The following YWHAB variants were observed in gnomAD, a reference collection of about 807,000 sequenced individuals.
YWHAB encodes 14-3-3 protein beta/alpha.
YWHAB carries 2 observed loss-of-function variants against 28.5 expected under a neutral mutation model. The observed-to-expected ratio is 0.07, with a 90% CI of 0.03 to 0.22. The LOEUF is 0.22. Ranked by LOEUF, YWHAB falls within the 10% of genes least tolerant of loss-of-function variation. YWHAB has a pLI of 1.00. For synonymous variants in YWHAB, 103 were observed against 104.7 expected, an observed-to-expected ratio of 0.98 and a Z score of 0.10; for missense variants, 148 against 297.1, an observed-to-expected ratio of 0.50 and a Z score of 3.69.
At chr20:44,902,454 A>G (rs2066632968) in intron 2 of YWHAB, 1 of 152,144 alleles carries the variant, frequency 6.6e-6, no homozygotes, top group Non-Finnish European at 1.5e-5. Flanking sequence ...TCATAATCAT[A>G]TTGTCTTTCC....
At chr20:44,889,404 A>G (rs1206802708) in intron 1 of YWHAB, among the ~76,000 whole-genome samples, 7 of 152,190 alleles carry the variant, frequency 4.6e-5, no homozygotes, top group Admixed American at 3.3e-4. Flanking sequence ...GATACTTGTA[A>G]TGAGATGTAA....
intron 1 of YWHAB, chr20:44,887,345 T>TC (rs1383559300): frequency 6.6e-6 from 1 of 152,222 alleles, no homozygotes; most frequent in East Asian, 1.9e-4. Context: ...TCCTGGCCTG[T>TC]CCTTCCAATG....
intron 1 of YWHAB, among the ~76,000 whole-genome samples, chr20:44,894,433 T>TA (rs960248584): frequency 6.6e-6 from 1 of 152,196 alleles, no homozygotes; most frequent in Non-Finnish European, 1.5e-5. Flanking sequence ...AGGTCTTGAT[T>TA]AAAAACCATC....
Position 44,901,607 on chromosome 20 carries a change from C to T in YWHAB, c.74C>T (p.Ala25Val), listed in dbSNP as rs778607409. Residue 25 changes from alanine (A) to valine (V), a missense_variant, in exon 2 of 6, where the codon GCT becomes GTT. Ala to Val is a moderately conservative substitution (Grantham distance 64). Coordinates refer to ENST00000353703, the MANE Select transcript of YWHAB (RefSeq NM_139323.4). ...CAGGCTGAGCGATATGATGATATGG[C>T]TGCAGCCATGAAGGCAGTCACAGAA... ...AEQAERYDDM[A>V]AAMKAVTEQG... The T allele has an allele frequency of 6.2e-7, 1 of 1,614,076 alleles. No individual in the cohort carries two copies. The highest frequency in any genetic ancestry group is 8.5e-7 in the Non-Finnish European group (1 of 1,179,972).
chr20:44,887,196 TTTTTCTTGGATCCCTGTCC>T (rs2066533724), intron 1 of YWHAB: 1 of 152,236 alleles, frequency 6.6e-6, no homozygotes, highest in East Asian at 1.9e-4. Flanking sequence ...TGAGCCCTCA[TTTTTCTTGGATCCCTGTCC>T]TTGGCAACAC....
intron 1 of YWHAB, among the ~76,000 whole-genome samples, chr20:44,894,832 T>C (rs1398975006): frequency 1.3e-5 from 2 of 152,222 alleles, no homozygotes; most frequent in Non-Finnish European, 2.9e-5. Context: ...TAGTGGCACA[T>C]TGCGCTGTGA....
chr20:44,895,050 G>C (rs886132110), intron 1 of YWHAB, among the ~76,000 whole-genome samples: 1 of 152,234 alleles, frequency 6.6e-6, no homozygotes, highest in Non-Finnish European at 1.5e-5. Context: ...GTACTCATCT[G>C]TATCACAGAA....
intron 1 of YWHAB, among the ~76,000 whole-genome samples, chr20:44,897,762 T>A (rs2066604398): frequency 6.6e-6 from 1 of 152,250 alleles, no homozygotes; most frequent in South Asian, 2.1e-4. Flanking sequence ...ACTTTTAAGA[T>A]GGTAGAGTAT....
At chr20:44,888,413 T>A (rs2066540742) in intron 1 of YWHAB, among the ~76,000 whole-genome samples, 1 of 152,174 alleles carries the variant, frequency 6.6e-6, no homozygotes, top group Admixed American at 6.5e-5. Context: ...ATTTTACAGA[T>A]GGGGAAACTA....
At position 44,903,890 on chromosome 20, in the gene YWHAB, T is replaced by G. The variant is rs2066641204; in HGVS notation, c.301-103T>G. The G allele has an allele frequency of 8.0e-6, 11 of 1,380,660 alleles. No homozygotes were observed. In the South Asian group the frequency reaches 9.4e-5, roughly 12 times the overall value. 85.5% of individuals were successfully genotyped at this position (1,380,660 alleles called of 1,614,324 possible). ...ATGAAAAATTGGTGTTTTTTTAATC[T>G]TCCAAAAAATTATTTAGAAGCAGTA... On this transcript the variant is annotated intron_variant, in intron 2 of 5. Transcript: ENST00000353703.
chr20:44,897,368 G>A (rs1289301841), intron 1 of YWHAB, among the ~76,000 whole-genome samples: 1 of 152,162 alleles, frequency 6.6e-6, no homozygotes, highest in Non-Finnish European at 1.5e-5. Flanking sequence ...CATAGGTACT[G>A]TTCTATGAAC....
chr20:44,900,128 A>G (rs1399355975), intron 1 of YWHAB, among the ~76,000 whole-genome samples: 3 of 151,748 alleles, frequency 2.0e-5, no homozygotes, highest in African/African-American at 7.3e-5. Flanking sequence ...GGCTCACTGC[A>G]TCCTGGAACT....
In YWHAB at chr20:44,904,119, A is replaced by G. The variant is rs759533414; in HGVS notation, c.424+3A>G. On this transcript the variant is annotated splice_donor_region_variant and intron_variant, in intron 3 of 5. Transcript: ENST00000353703. Reference sequence around the variant, plus strand: ...GGCATCTGGAGACAACAAACAAAGTAAGTAATATCTTTAAAAAGAAATTCG... The same window carrying G: ...GGCATCTGGAGACAACAAACAAAGTGAGTAATATCTTTAAAAAGAAATTCG... 6.2e-6 allele frequency: 10 copies of G among 1,612,176 alleles called. No individual in the cohort carries two copies. The South Asian group carries it at 9.9e-5, about 16-fold the overall frequency.
chr20:44,889,725 C>G (rs572067916), intron 1 of YWHAB, among the ~76,000 whole-genome samples: 121 of 152,126 alleles, frequency 8.0e-4, no homozygotes, highest in Non-Finnish European at 1.2e-3. Context: ...CTGTTTTTAA[C>G]TCCTTGATTT....
intron 1 of YWHAB, chr20:44,887,506 G>C (rs1392543754): frequency 1.3e-5 from 2 of 152,080 alleles, no homozygotes; most frequent in African/African-American, 4.8e-5. Flanking sequence ...GGAGTATGAC[G>C]CCTACCCTGT....
At chr20:44,904,318 C>T (rs1295116740) in intron 3 of YWHAB, among the ~76,000 whole-genome samples, 2 of 152,180 alleles carry the variant, frequency 1.3e-5, no homozygotes, top group Non-Finnish European at 2.9e-5. Flanking sequence ...GAGGGCATTA[C>T]AAACCTGGTG....
intron 4 of YWHAB, 132 bp from the exon 5 acceptor site, chr20:44,905,867 CAG>C (rs1183746781): frequency 1.5e-6 from 1 of 648,250 alleles, no homozygotes; most frequent in Admixed American, 2.4e-5. Flanking sequence ...AGCTAACAGA[CAG>C]GGTAATAATA....
intron 1 of YWHAB, among the ~76,000 whole-genome samples, chr20:44,893,456 A>T (rs189432829): frequency 1.3e-5 from 2 of 152,176 alleles, no homozygotes; most frequent in African/African-American, 2.4e-5. Context: ...ATTTAAAAAG[A>T]TAGGAAAATG....
chr20:44,903,026 T>C, intron 2 of YWHAB: 1 of 985,990 alleles, frequency 1.0e-6, no homozygotes, highest in Non-Finnish European at 1.2e-6. Context: ...ACTTACTGCC[T>C]CTTAACCAGT....
Sources: allele counts gnomAD v4.1 joint callset (sites outside exome capture counted in the v4.1 genomes callset), GRCh38; gene constraint gnomAD v4.1.1; transcripts MANE v1.5; gene names NCBI Gene and HGNC (gene_info 2026-07-23, HGNC 2026-07-21).